Variants in AK4 observed in about 807,000 individuals in gnomAD.
AK4 encodes adenylate kinase 4, mitochondrial.
A neutral mutation model predicts 24.6 loss-of-function variants in AK4; 13 were observed. That is an observed-to-expected ratio of 0.53 (90% CI 0.34 to 0.84). The LOEUF (loss-of-function observed/expected upper bound fraction) is 0.84. AK4 is among the 40% of genes least tolerant of loss of function. AK4 has a pLI of 0.01. For synonymous variants in AK4, 88 were observed against 107.0 expected (o/e 0.82, Z 1.10); for missense variants, 192 against 288.2 (o/e 0.67, Z 2.42).
At chr1:65,172,929 C>T (rs545440585) in intron 1 of AK4, among the ~76,000 whole-genome samples, 27 of 132,292 alleles carry the variant, frequency 2.0e-4, no homozygotes, top group Admixed American at 2.8e-4. Context: ...ATGACATGAT[C>T]TGTGCTCACT....
Position 65,205,415 on chromosome 1 carries a change from G to A in AK4, c.266-13339G>A, listed in dbSNP as rs957939600. Among the ~76,000 whole-genome samples the A allele has an allele frequency of 9.2e-5, 14 of 152,094 alleles. 3 individuals are homozygous for A. The highest frequency in any genetic ancestry group is 2.0e-4 in the Admixed American group (3 of 15,254). On this transcript the variant is annotated intron_variant, in intron 2 of 4. Coordinates refer to ENST00000327299, the MANE Select transcript of AK4 (RefSeq NM_013410.4). ...GTGCCCAGCTAGTTTTTTATTTTTTGTTTAGACAGGGTCTTGCTATGTTGC... is the reference window on the plus strand; with the variant it reads ...GTGCCCAGCTAGTTTTTTATTTTTTATTTAGACAGGGTCTTGCTATGTTGC...
chr1:65,205,992 C>T (rs893698656), intron 2 of AK4, among the ~76,000 whole-genome samples: 2 of 152,186 alleles, frequency 1.3e-5, no homozygotes, highest in African/African-American at 4.8e-5. Flanking sequence ...AGTGCCCTGT[C>T]TCCAGATATC....
At chr1:65,173,568 G>A (rs76790101) in intron 1 of AK4, among the ~76,000 whole-genome samples, 6,237 of 152,108 alleles carry the variant, frequency 0.041, 281 homozygotes, top group African/African-American at 0.11. Context: ...TGTTGGACCC[G>A]ACCCTCCTTC....
chr1:65,151,413 A>G (rs978101117), intron 1 of AK4, among the ~76,000 whole-genome samples: 3 of 152,234 alleles, frequency 2.0e-5, no homozygotes, highest in South Asian at 2.1e-4. Flanking sequence ...TAGCATTAAG[A>G]TAATCTTGTG....
intron 1 of AK4, among the ~76,000 whole-genome samples, chr1:65,165,140 C>CT (rs1385089173): frequency 1.3e-5 from 2 of 152,188 alleles, no homozygotes; most frequent in Non-Finnish European, 2.9e-5. Context: ...AATGAAAACA[C>CT]TTTTTTAAGA....
At chr1:65,167,756 T>C (rs1359134422) in intron 1 of AK4, among the ~76,000 whole-genome samples, 1 of 152,234 alleles carries the variant, frequency 6.6e-6, no homozygotes, top group East Asian at 1.9e-4. Flanking sequence ...CTAACTCGCC[T>C]TCTCTGGAAA....
At chr1:65,208,259 C>T (rs1651870136) in intron 2 of AK4, among the ~76,000 whole-genome samples, 1 of 152,094 alleles carries the variant, frequency 6.6e-6, no homozygotes, top group African/African-American at 2.4e-5. Flanking sequence ...TTAATAATAA[C>T]TGGATGACAT....
chr1:65,197,991 A>G (rs772614981), intron 2 of AK4, among the ~76,000 whole-genome samples: 15 of 152,150 alleles, frequency 9.9e-5, no homozygotes, highest in Non-Finnish European at 1.8e-4. Flanking sequence ...TGTATAATAG[A>G]TTTGTTTAGA....
chr1:65,221,384 C>T (rs968211882), intron 3 of AK4, among the ~76,000 whole-genome samples: 5 of 152,140 alleles, frequency 3.3e-5, no homozygotes, highest in African/African-American at 1.2e-4. Context: ...GCCATTGTGT[C>T]AGTAAAGTCC....
intron 1 of AK4, among the ~76,000 whole-genome samples, chr1:65,151,334 C>G (rs1649764630): frequency 6.6e-6 from 1 of 152,170 alleles, no homozygotes; most frequent in East Asian, 1.9e-4. Flanking sequence ...GTAAAAATGC[C>G]TGTCTCACAC....
At chr1:65,188,924 G>A (rs916148579) in intron 1 of AK4, among the ~76,000 whole-genome samples, 4 of 151,378 alleles carry the variant, frequency 2.6e-5, no homozygotes, top group Admixed American at 6.6e-5. Context: ...ATAGGTGCCC[G>A]CCACCTAATT....
intron 2 of AK4, among the ~76,000 whole-genome samples, chr1:65,210,686 CTT>C (rs1359267733): frequency 1.3e-5 from 2 of 152,036 alleles, no homozygotes; most frequent in Non-Finnish European, 2.9e-5. Flanking sequence ...TCAAATCTAT[CTT>C]TATCCTTCAT....
At chr1:65,222,441 A>T (rs1253209931) in intron 3 of AK4, among the ~76,000 whole-genome samples, 2 of 152,244 alleles carry the variant, frequency 1.3e-5, no homozygotes, top group East Asian at 3.9e-4. Flanking sequence ...CCATGCCCTT[A>T]CCATCTGCCT....
intron 1 of AK4, among the ~76,000 whole-genome samples, chr1:65,149,990 G>A (rs148335167): frequency 3.0e-4 from 46 of 152,300 alleles, no homozygotes; most frequent in Admixed American, 2.4e-3. Context: ...GTAGGGGCAT[G>A]GAGTCAGTGA....
intron 1 of AK4, among the ~76,000 whole-genome samples, chr1:65,177,147 T>C (rs993900685): frequency 6.6e-6 from 1 of 152,204 alleles, no homozygotes; most frequent in Non-Finnish European, 1.5e-5. Flanking sequence ...TAATTGCCGC[T>C]ATCATGAGCT....
In AK4 at chr1:65,224,852, C is replaced by G; in HGVS notation, c.539C>G (p.Pro180Arg). 1 of 1,613,260 alleles carries G rather than the reference C, an allele frequency of 6.2e-7. No individual in the cohort carries two copies. Among genetic ancestry groups the G allele is most frequent in the Non-Finnish European group, 8.5e-7 (1 of 1,179,282 alleles). ...RLRQYKDVAK[P>R]VIELYKSRGV... ...AGACAGTACAAAGACGTGGCAAAGC[C>G]AGTCATTGAATTATACAAGTGAGTG... The change falls in exon 4 of 5, where the codon CCA becomes CGA. Residue 180 changes from proline (P) to arginine (R), a missense_variant. By Grantham distance (103) the Pro-to-Arg change is moderately radical. Coordinates refer to ENST00000327299, the MANE Select transcript of AK4 (RefSeq NM_013410.4).
At chr1:65,177,334 T>C (rs779978780) in intron 1 of AK4, among the ~76,000 whole-genome samples, 97 of 152,324 alleles carry the variant, frequency 6.4e-4, no homozygotes, top group Non-Finnish European at 8.2e-4. Flanking sequence ...TTAAAAATTA[T>C]ATTAAATAAG....
chr1:65,200,616 G>T (rs894356509), intron 2 of AK4, among the ~76,000 whole-genome samples: 2 of 152,130 alleles, frequency 1.3e-5, no homozygotes, highest in African/African-American at 4.8e-5. Context: ...TGAAGCTATT[G>T]CAACTCCTTT....
chr1:65,154,315 G>C (rs1199455996), intron 1 of AK4, among the ~76,000 whole-genome samples: 1 of 152,236 alleles, frequency 6.6e-6, no homozygotes. Context: ...CTGAGCGCCT[G>C]CCTGGGTGAA....
Sources: allele counts gnomAD v4.1 joint callset (sites outside exome capture counted in the v4.1 genomes callset), GRCh38; gene constraint gnomAD v4.1.1; transcripts MANE v1.5; gene names NCBI Gene and HGNC (gene_info 2026-07-23, HGNC 2026-07-21).